Variants in CBFA2T3 observed in about 807,000 individuals in gnomAD.
The protein encoded by CBFA2T3 is CBFA2/RUNX1 partner transcriptional co-repressor 3, also known as transcriptional corepressor CBFA2T3.
In CBFA2T3, 31 loss-of-function variants were observed where a neutral mutation model predicts 58.6. The ratio of observed to expected loss-of-function variants is 0.53; its 90% confidence interval spans 0.40 to 0.71. The LOEUF is 0.71. Among genes scored for constraint, CBFA2T3 ranks in the 30% least tolerant of loss-of-function variants. CBFA2T3 has a pLI of 0.00. For missense variants in CBFA2T3, 1,076 were observed against 963.1 expected (o/e 1.12, Z -1.55); for synonymous variants, 531 against 421.9 (o/e 1.26, Z -3.17).
chr16:88,885,808 G>T lies in CBFA2T3; in HGVS notation c.893+153C>A. 1.5e-6 allele frequency: 1 copy of T among 649,462 alleles called. No individual in the cohort carries two copies. The highest frequency in any genetic ancestry group is 1.9e-5 in the South Asian group (1 of 52,224). The allele number at this position is 649,462 out of a possible 1,614,324, so 40.2% of individuals were successfully genotyped here. A position where few individuals can be genotyped will look rare whatever the true frequency, so the allele number is the denominator to read the frequency against. ...GCCCGTGCAGCCACCAAGCCTGCTG[G>T]CCCTAGTACACCTCGCCACGCTCCC... On this transcript the variant is annotated intron_variant, in intron 6 of 11. Coordinates refer to ENST00000268679, the MANE Select transcript of CBFA2T3 (RefSeq NM_005187.6). The surrounding 1 kb of genome is among the most constrained non-coding windows in gnomAD (Gnocchi z 5.3).
chr16:88,901,679 G>A, intron 1 of CBFA2T3, 23 bp from the exon 2 acceptor site: 1 of 1,517,962 alleles, frequency 6.6e-7, no homozygotes, highest in Non-Finnish European at 8.7e-7. Flanking sequence ...GAGAAAGAAA[G>A]AGTCGGTGAA....
intron 1 of CBFA2T3, among the ~76,000 whole-genome samples, chr16:88,968,253 TGGGGA>T (rs1226028439): frequency 1.3e-5 from 2 of 152,186 alleles, no homozygotes; most frequent in African/African-American, 4.8e-5. Context: ...TCTCTGGCCC[TGGGGA>T]GGGGCTCAGT....
intron 1 of CBFA2T3, among the ~76,000 whole-genome samples, chr16:88,906,363 G>T (rs1970333102): frequency 1.3e-5 from 2 of 152,158 alleles, no homozygotes; most frequent in Admixed American, 6.5e-5. Flanking sequence ...ACCAGCCCAC[G>T]GCTGCGAACC....
intron 1 of CBFA2T3, among the ~76,000 whole-genome samples, chr16:88,952,046 C>T (rs982235134): frequency 4.6e-5 from 7 of 152,328 alleles, no homozygotes; most frequent in African/African-American, 9.6e-5. Context: ...TGGGTCTCCC[C>T]GGCCCCAGCA....
chr16:88,974,340 G>T (rs1195946880), intron 1 of CBFA2T3, among the ~76,000 whole-genome samples: 1 of 152,140 alleles, frequency 6.6e-6, no homozygotes, highest in Non-Finnish European at 1.5e-5. Flanking sequence ...CCAGGGGTCA[G>T]TGAGGATCCA....
chr16:88,913,810 C>T (rs1970603216), intron 1 of CBFA2T3, among the ~76,000 whole-genome samples: 1 of 152,182 alleles, frequency 6.6e-6, no homozygotes, highest in Non-Finnish European at 1.5e-5. Flanking sequence ...AAATTATCTA[C>T]TCGACACAAA....
chr16:88,976,069 G>A (rs1279350737), intron 1 of CBFA2T3, among the ~76,000 whole-genome samples: 1 of 152,210 alleles, frequency 6.6e-6, no homozygotes, highest in Non-Finnish European at 1.5e-5. Context: ...GCAATAGCTG[G>A]CGTCCTGCTG....
chr16:88,914,855 G>A (rs951356841), intron 1 of CBFA2T3, among the ~76,000 whole-genome samples: 18 of 152,210 alleles, frequency 1.2e-4, no homozygotes, highest in African/African-American at 3.9e-4. Context: ...TGCTTGCCCC[G>A]TGGCCGCACA....
At chr16:88,932,047 A>T (rs1971325699) in intron 1 of CBFA2T3, among the ~76,000 whole-genome samples, 1 of 152,046 alleles carries the variant, frequency 6.6e-6, no homozygotes, top group South Asian at 2.1e-4. Context: ...TGTGCACACC[A>T]TCACACACTC....
chr16:88,893,733 C>A (rs1213851660), intron 3 of CBFA2T3, among the ~76,000 whole-genome samples: 2 of 152,240 alleles, frequency 1.3e-5, no homozygotes, highest in Non-Finnish European at 2.9e-5. Context: ...AGGGGCCTGG[C>A]AGACATGGGG....
chr16:88,890,226 G>A (rs369288302), intron 5 of CBFA2T3, among the ~76,000 whole-genome samples: 90 of 152,282 alleles, frequency 5.9e-4, no homozygotes, highest in African/African-American at 2.1e-3. Context: ...CGTTCTTTCC[G>A]CGTGTCCCTC....
At chr16:88,882,916 C>G in intron 7 of CBFA2T3, among the ~76,000 whole-genome samples, 155 bp from the exon 8 acceptor site, 1 of 152,218 alleles carries the variant, frequency 6.6e-6, no homozygotes, top group Non-Finnish European at 1.5e-5. Flanking sequence ...ACTTGGTGAC[C>G]GTGGAGGATG....
intron 1 of CBFA2T3, among the ~76,000 whole-genome samples, chr16:88,916,300 G>A (rs547347735): frequency 2.8e-4 from 42 of 151,940 alleles, no homozygotes; most frequent in Non-Finnish European, 4.7e-4. Context: ...ATATACATGT[G>A]GGTGTATGCG....
intron 5 of CBFA2T3, among the ~76,000 whole-genome samples, chr16:88,890,127 G>A (rs1018352762): frequency 3.9e-5 from 6 of 152,096 alleles, no homozygotes; most frequent in East Asian, 3.9e-4. Context: ...GATGCCCCGC[G>A]TGAATCTAGA....
At chr16:88,889,829 G>C (rs1453378868) in intron 5 of CBFA2T3, among the ~76,000 whole-genome samples, 1 of 131,670 alleles carries the variant, frequency 7.6e-6, no homozygotes, top group African/African-American at 3.0e-5. Flanking sequence ...ATCCCTGGAC[G>C]ATGCCCCGCG....
intron 1 of CBFA2T3, among the ~76,000 whole-genome samples, chr16:88,930,327 A>C (rs373557722): frequency 1.5e-3 from 218 of 146,714 alleles, no homozygotes; most frequent in African/African-American, 4.2e-3. Context: ...AAAAGCTACC[A>C]ATACCCACAG....
At chr16:88,899,771 G>A (rs1970028891) in intron 2 of CBFA2T3, among the ~76,000 whole-genome samples, 1 of 152,254 alleles carries the variant, frequency 6.6e-6, no homozygotes, top group African/African-American at 2.4e-5. Flanking sequence ...GAGGTTGTCT[G>A]TGGAGCGGGT....
At position 88,881,282 on chromosome 16, in the gene CBFA2T3, C is replaced by A; in HGVS notation, c.1402+9G>T. On this transcript the variant is annotated intron_variant, in intron 9 of 11. Coordinates refer to ENST00000268679, the MANE Select transcript of CBFA2T3 (RefSeq NM_005187.6). The stretch of plus-strand genomic sequence containing the variant: ...GTGTCTGCTCCCTCCCCCCACACCC[C>A]ACACGCACCTAGCTGAGGCCCTTCG... 6.3e-7 allele frequency: 1 copy of A among 1,594,898 alleles called. No homozygotes were observed. Among genetic ancestry groups the A allele is most frequent in the Non-Finnish European group, 8.5e-7 (1 of 1,172,354 alleles).
chr16:88,880,811 A>G, intron 9 of CBFA2T3, 23 bp from the exon 10 acceptor site: 1 of 1,567,588 alleles, frequency 6.4e-7, no homozygotes, highest in South Asian at 1.2e-5. Context: ...CCGGCGTCAC[A>G]CAGGATGGGC....
Sources: gnomAD v4.1 joint callset for allele counts (sites outside exome capture counted in the v4.1 genomes callset) on GRCh38, gnomAD v4.1.1 for gene constraint, Gnocchi (gnomAD v3.1) non-coding constraint, MANE v1.5 for transcripts, NCBI Gene and HGNC (gene_info 2026-07-23, HGNC 2026-07-21) for gene names.